NRG1: variants seen among roughly 807,000 people sequenced by gnomAD.
NRG1 encodes pro-neuregulin-1, membrane-bound isoform.
NRG1 carries 18 observed loss-of-function variants against 63.8 expected under a neutral mutation model. The observed-to-expected ratio is 0.28, with a 90% CI of 0.19 to 0.42. The LOEUF (loss-of-function observed/expected upper bound fraction) is 0.42, where lower values mean the gene tolerates loss of function less well. Ranked by LOEUF, NRG1 falls within the 10% of genes least tolerant of loss-of-function variation. NRG1 has a pLI of 1.00. For synonymous variants in NRG1, 302 were observed against 301.3 expected, an observed-to-expected ratio of 1.00 and a Z score of -0.02; for missense variants, 762 against 814.7, an observed-to-expected ratio of 0.94 and a Z score of 0.79.
intron 1 of NRG1, among the ~76,000 whole-genome samples, chr8:32,223,792 G>A (rs776522263): frequency 3.7e-4 from 57 of 152,144 alleles, no homozygotes; most frequent in Admixed American, 3.7e-3. Flanking sequence ...GAAGGGAAGG[G>A]AGGCCCGTAG....
rs11996784 is a variant in NRG1 at position 32,213,453 on chromosome 8, G to A, written c.38-382375G>A. Among the ~76,000 whole-genome samples, 1,265 of 152,172 alleles carry A rather than the reference G, an allele frequency of 8.3e-3. 14 individuals are homozygous for A. Among genetic ancestry groups the A allele is most frequent in the Middle Eastern group, 0.017 (5 of 294 alleles). ...CAGGAGGGTAACAACACACACTGGGGCCTGTCGGGGAGCATGGGAGGGAGA... is the reference window on the plus strand; with the variant it reads ...CAGGAGGGTAACAACACACACTGGGACCTGTCGGGGAGCATGGGAGGGAGA... On this transcript the variant is annotated intron_variant, in intron 1 of 10. Coordinates refer to the NRG1 transcript ENST00000519301.
At chr8:32,615,049 G>GCCTGA (rs765743826) in intron 4 of NRG1, among the ~76,000 whole-genome samples, 3 of 77,522 alleles carry the variant, frequency 3.9e-5, no homozygotes, top group Non-Finnish European at 2.3e-5. Context: ...AAGACTTACA[G>GCCTGA]CCTTTAAAAA....
intron 1 of NRG1, among the ~76,000 whole-genome samples, chr8:32,498,342 A>G (rs1229038090): frequency 5.3e-5 from 8 of 152,196 alleles, no homozygotes; most frequent in Admixed American, 5.2e-4. Flanking sequence ...GGACATGCCC[A>G]AGACTGGGTA....
chr8:31,764,602 A>G (rs1046040355), intron 1 of NRG1, among the ~76,000 whole-genome samples: 1 of 152,236 alleles, frequency 6.6e-6, no homozygotes, highest in East Asian at 1.9e-4. Flanking sequence ...ATCTATATAT[A>G]CAAAATATTT....
At chr8:31,709,186 AT>A (rs1194325047) in intron 1 of NRG1, among the ~76,000 whole-genome samples, 9 of 142,770 alleles carry the variant, frequency 6.3e-5, no homozygotes, top group Non-Finnish European at 3.1e-5. Context: ...CAAATGATTT[AT>A]TTTTTTTTAA....
At chr8:32,451,713 A>G (rs899615957) in intron 1 of NRG1, among the ~76,000 whole-genome samples, 2 of 152,188 alleles carry the variant, frequency 1.3e-5, no homozygotes, top group African/African-American at 4.8e-5. Context: ...TTAGCCTTGG[A>G]ACAGGGTCAC....
At chr8:32,068,841 A>G (rs1825302931) in intron 1 of NRG1, among the ~76,000 whole-genome samples, 1 of 152,192 alleles carries the variant, frequency 6.6e-6, no homozygotes, top group Non-Finnish European at 1.5e-5. Flanking sequence ...TCTTAGTGCT[A>G]TTGCCAGTGG....
intron 1 of NRG1, among the ~76,000 whole-genome samples, chr8:32,375,366 T>G (rs1342904518): frequency 6.6e-6 from 1 of 152,168 alleles, no homozygotes; most frequent in African/African-American, 2.4e-5. Flanking sequence ...TGAGGAAAGG[T>G]GATAGAACCA....
chr8:32,189,704 G>T (rs982161544), intron 1 of NRG1, among the ~76,000 whole-genome samples: 1 of 152,122 alleles, frequency 6.6e-6, no homozygotes, highest in Non-Finnish European at 1.5e-5. Context: ...CCCTCTTAGT[G>T]AGTGGCCCCA....
intron 1 of NRG1, among the ~76,000 whole-genome samples, chr8:31,936,676 T>A (rs527537899): frequency 6.6e-6 from 1 of 152,378 alleles, no homozygotes; most frequent in South Asian, 2.1e-4. Flanking sequence ...ATTTGAGGCC[T>A]GAGTAATAAT....
chr8:32,340,019 C>T (rs1803854860), intron 1 of NRG1, among the ~76,000 whole-genome samples: 3 of 152,026 alleles, frequency 2.0e-5, no homozygotes, highest in Admixed American at 2.0e-4. Flanking sequence ...CTTTCTCCTT[C>T]CCCTCTGCTG....
chr8:31,799,617 A>T (rs1251327722), intron 1 of NRG1, among the ~76,000 whole-genome samples: 1 of 152,014 alleles, frequency 6.6e-6, no homozygotes, highest in Non-Finnish European at 1.5e-5. Context: ...TTTGCATTCT[A>T]ACTTTCTATT....
chr8:32,027,510 G>A lies in NRG1; in HGVS notation c.37+388079G>A, dbSNP rs1386604534. On this transcript the variant is annotated intron_variant, in intron 1 of 10. Coordinates refer to the NRG1 transcript ENST00000519301. Reference sequence around the variant, plus strand: ...CCTAATCTAGGAGGATTTTATAGTTGCCATAGCGTTTTCTTTTCTTTTTGC... The same window carrying A: ...CCTAATCTAGGAGGATTTTATAGTTACCATAGCGTTTTCTTTTCTTTTTGC... 2.7e-5 allele frequency among the ~76,000 whole-genome samples: 3 copies of A among 110,482 alleles called. No individual in the cohort carries two copies. In the Admixed American group the frequency reaches 3.4e-4, roughly 12 times the overall value. The allele number at this position is 110,482 out of a possible 152,430, so 72.5% of individuals were successfully genotyped here.
chr8:31,972,307 G>T (rs1807425936), intron 1 of NRG1, among the ~76,000 whole-genome samples: 1 of 152,022 alleles, frequency 6.6e-6, no homozygotes. Flanking sequence ...GTCATGCAGG[G>T]ATTTCTTCAT....
chr8:32,759,882 A>G lies in NRG1; in HGVS notation c.1053-318A>G, dbSNP rs142891008. On this transcript the variant is annotated intron_variant, in intron 10 of 11. Coordinates refer to ENST00000356819, the Ensembl canonical transcript of NRG1. ...CTAGATCTCCAAATGTAGCTCATACAAGGAAATGTTTCTTTAATCTAAGCC... is the reference window on the plus strand; with the variant it reads ...CTAGATCTCCAAATGTAGCTCATACGAGGAAATGTTTCTTTAATCTAAGCC... Among the ~76,000 whole-genome samples the G allele has an allele frequency of 3.8e-3, 585 of 152,322 alleles. 4 individuals carry two copies. Among genetic ancestry groups the G allele is most frequent in the Non-Finnish European group, 5.8e-3 (397 of 68,018 alleles).
chr8:32,487,061 T>C (rs1474539593), intron 1 of NRG1, among the ~76,000 whole-genome samples: 1 of 151,978 alleles, frequency 6.6e-6, no homozygotes, highest in Non-Finnish European at 1.5e-5. Flanking sequence ...ATTTTTTTAA[T>C]TAAAAACATA....
At chr8:32,260,453 A>T (rs1850241318) in intron 1 of NRG1, among the ~76,000 whole-genome samples, 1 of 152,210 alleles carries the variant, frequency 6.6e-6, no homozygotes, top group African/African-American at 2.4e-5. Context: ...ATAGAACAAA[A>T]TACCAAAGGC....
intron 1 of NRG1, among the ~76,000 whole-genome samples, chr8:32,198,570 G>T (rs1010361387): frequency 6.6e-6 from 1 of 152,150 alleles, no homozygotes; most frequent in African/African-American, 2.4e-5. Context: ...TTTCATAATG[G>T]ATCTTTCTCC....
intron 1 of NRG1, among the ~76,000 whole-genome samples, chr8:31,991,818 A>G (rs2129632662): frequency 6.6e-6 from 1 of 151,890 alleles, no homozygotes; most frequent in South Asian, 2.1e-4. Context: ...TTTTTTTCCC[A>G]AGATGATATT....
Sources: gnomAD v4.1 joint callset for allele counts (sites outside exome capture counted in the v4.1 genomes callset) on GRCh38, gnomAD v4.1.1 for gene constraint, MANE v1.5 for transcripts, NCBI Gene and HGNC (gene_info 2026-07-23, HGNC 2026-07-21) for gene names.